The following SBF2 variants were observed in gnomAD, a reference collection of about 807,000 sequenced individuals.
SBF2 encodes the protein SET binding factor 2, also known as myotubularin-related protein 13.
In SBF2, 112 loss-of-function variants were observed where a neutral mutation model predicts 225.2. That is an observed-to-expected ratio of 0.50 (90% CI 0.43 to 0.58). The LOEUF (loss-of-function observed/expected upper bound fraction) is 0.58, where lower values mean the gene tolerates loss of function less well. Ranked by LOEUF, SBF2 falls within the 20% of genes least tolerant of loss-of-function variation. SBF2 has a pLI of 0.00. For synonymous variants in SBF2, 763 were observed against 773.3 expected (o/e 0.99, Z 0.22); for missense variants, 1,996 against 2,206.2 (o/e 0.90, Z 1.91).
rs555194391 is a variant in SBF2 at position 9,872,235 on chromosome 11, G to C, written c.1930-13839C>G. 1.9e-4 allele frequency among the ~76,000 whole-genome samples: 29 copies of C among 152,254 alleles called. No individual in the cohort carries two copies. The South Asian group carries it at 5.6e-3, about 29-fold the overall frequency. On this transcript the variant is annotated intron_variant, in intron 17 of 39. Coordinates refer to ENST00000256190, the MANE Select transcript of SBF2 (RefSeq NM_030962.4). ...ACACAGGAACAGTAAACCTAACACT[G>C]CATGTTCTTACTTATAGGCGGGAGC...
intron 1 of SBF2, among the ~76,000 whole-genome samples, chr11:10,240,976 C>G (rs755277148): frequency 6.6e-6 from 1 of 152,072 alleles, no homozygotes; most frequent in Non-Finnish European, 1.5e-5. Context: ...AATTGTTTGA[C>G]AAATTAATAT....
In SBF2 at chr11:9,850,470, C is replaced by T. The variant is rs144265031; in HGVS notation, c.2611-252G>A. ...ATGGGATCTTGCTACATTGCCCAGG[C>T]TGGTCTCAAACTCCTGGCCTCAAGC... is the stretch of plus-strand genomic sequence containing the variant. On this transcript the variant is annotated intron_variant, in intron 21 of 39. Coordinates refer to ENST00000256190, the MANE Select transcript of SBF2 (RefSeq NM_030962.4). 5.5e-3 allele frequency among the ~76,000 whole-genome samples: 835 copies of T among 152,246 alleles called. 4 individuals are homozygous for T. Among genetic ancestry groups the T allele is most frequent in the African/African-American group, 0.019 (774 of 41,534 alleles).
intron 2 of SBF2, among the ~76,000 whole-genome samples, chr11:10,088,744 A>G (rs1263057689): frequency 1.3e-5 from 2 of 152,182 alleles, no homozygotes; most frequent in Non-Finnish European, 2.9e-5. Flanking sequence ...CGATCCAAAC[A>G]CTTTCCATTA....
intron 1 of SBF2, among the ~76,000 whole-genome samples, chr11:10,280,778 T>C (rs1002180096): frequency 5.3e-5 from 8 of 150,814 alleles, no homozygotes. Context: ...AGAAAACTTC[T>C]ATTACAAGAT....
intron 10 of SBF2, among the ~76,000 whole-genome samples, chr11:9,993,571 C>A (rs181726368): frequency 2.6e-5 from 4 of 152,236 alleles, no homozygotes; most frequent in Non-Finnish European, 4.4e-5. Flanking sequence ...TATATCCATT[C>A]TTGTAAGCAT....
rs184117822 is a variant in SBF2, at chr11:9,780,340, C to G, written c.*78G>C. The G allele has an allele frequency of 1.1e-4, 139 of 1,301,322 alleles. No homozygotes were observed. Among genetic ancestry groups the G allele is most frequent in the Middle Eastern group, 4.6e-4 (2 of 4,328 alleles). 80.6% of individuals were successfully genotyped at this position (1,301,322 alleles called of 1,614,324 possible). A position where few individuals can be genotyped will look rare whatever the true frequency, so the allele number is the denominator to read the frequency against. On this transcript the variant is annotated 3_prime_UTR_variant, in exon 40 of 40. Transcript: ENST00000256190. ...CTGGGATAACTTGTTGTCAGCTCCT[C>G]AAGGATCCATGCTTCTTTTTCTATC...
intron 2 of SBF2, among the ~76,000 whole-genome samples, chr11:10,052,390 C>T (rs530372781): frequency 8.2e-4 from 125 of 152,280 alleles, no homozygotes; most frequent in African/African-American, 2.9e-3. Context: ...CCATTTCACA[C>T]ATACCATGCC....
At position 10,007,143 on chromosome 11, in the gene SBF2, C is replaced by T. The variant is rs115501697; in HGVS notation, c.620-4454G>A. Among the ~76,000 whole-genome samples, 415 of 152,270 alleles carry T rather than the reference C, an allele frequency of 2.7e-3. 2 individuals carry two copies. Among genetic ancestry groups the T allele is most frequent in the African/African-American group, 9.8e-3 (408 of 41,552 alleles). On this transcript the variant is annotated intron_variant, in intron 6 of 39. Transcript: ENST00000256190. ...GGCTCTCTGTTCTCTCTGGTATCTCCTCTGTGAAAAGGGCGTACCGAAGTT... is the reference window on the plus strand; with the variant it reads ...GGCTCTCTGTTCTCTCTGGTATCTCTTCTGTGAAAAGGGCGTACCGAAGTT...
At chr11:9,903,950 T>C (rs538089589) in intron 16 of SBF2, among the ~76,000 whole-genome samples, 1 of 152,212 alleles carries the variant, frequency 6.6e-6, no homozygotes, top group South Asian at 2.1e-4. Flanking sequence ...GTACCAGGTG[T>C]GGACAATCAG....
intron 2 of SBF2, among the ~76,000 whole-genome samples, chr11:10,063,850 C>CAGAG (rs1293919484): frequency 3.0e-5 from 4 of 134,638 alleles, no homozygotes; most frequent in African/African-American, 1.1e-4. Context: ...CACACACACA[C>CAGAG]ACACACACAG....
chr11:9,944,384 A>T (rs1865448564), intron 16 of SBF2, among the ~76,000 whole-genome samples: 3 of 152,234 alleles, frequency 2.0e-5, no homozygotes, highest in Admixed American at 2.0e-4. Flanking sequence ...TATATTAATA[A>T]ATACTACAGA....
At chr11:10,047,545 T>C (rs560378226) in intron 2 of SBF2, among the ~76,000 whole-genome samples, 1 of 152,150 alleles carries the variant, frequency 6.6e-6, no homozygotes, top group Non-Finnish European at 1.5e-5. Flanking sequence ...ACGTAAATGT[T>C]AGGTATTATG....
chr11:9,908,982 C>T (rs12796169), intron 16 of SBF2, among the ~76,000 whole-genome samples: 41,626 of 151,754 alleles, frequency 0.27, 6,699 homozygotes, highest in African/African-American at 0.44. Context: ...GCCATCATAC[C>T]CAGCCTATTC....
At chr11:10,292,319 T>C (rs1195501139) in intron 1 of SBF2, among the ~76,000 whole-genome samples, 1 of 152,218 alleles carries the variant, frequency 6.6e-6, no homozygotes, top group Non-Finnish European at 1.5e-5. Context: ...CAGCTTCCTC[T>C]CAAATTGTTG....
intron 38 of SBF2, among the ~76,000 whole-genome samples, chr11:9,782,592 C>T (rs1314035003): frequency 1.3e-5 from 2 of 152,098 alleles, no homozygotes; most frequent in African/African-American, 4.8e-5. Flanking sequence ...CTTTCCAGGC[C>T]GGGCACGGTT....
intron 17 of SBF2, among the ~76,000 whole-genome samples, chr11:9,884,533 C>G (rs1486102748): frequency 6.6e-6 from 1 of 152,218 alleles, no homozygotes; most frequent in Admixed American, 6.5e-5. Context: ...TGGAAGCTGA[C>G]TCTAACTGCA....
chr11:9,938,516 T>TCC (rs2134284248), intron 16 of SBF2, among the ~76,000 whole-genome samples: 1 of 151,930 alleles, frequency 6.6e-6, no homozygotes, highest in Non-Finnish European at 1.5e-5. Flanking sequence ...GAACATAATG[T>TCC]CCTTTTATCA....
At chr11:10,124,809 T>TA (rs1478677132) in intron 2 of SBF2, among the ~76,000 whole-genome samples, 1 of 152,066 alleles carries the variant, frequency 6.6e-6, no homozygotes, top group Non-Finnish European at 1.5e-5. Context: ...TTCCACAGAT[T>TA]AAAAAAATTT....
chr11:9,915,363 C>T (rs1258047224), intron 16 of SBF2, among the ~76,000 whole-genome samples: 2 of 150,084 alleles, frequency 1.3e-5, no homozygotes, highest in African/African-American at 4.9e-5. Flanking sequence ...AGGAGAATTG[C>T]TTGAACCCGG....
Sources: allele counts gnomAD v4.1 joint callset (sites outside exome capture counted in the v4.1 genomes callset), GRCh38; gene constraint gnomAD v4.1.1; transcripts MANE v1.5; gene names NCBI Gene and HGNC (gene_info 2026-07-23, HGNC 2026-07-21).